ADGRD1: variants seen among roughly 807,000 people sequenced by gnomAD.
The protein encoded by ADGRD1 is G-protein coupled receptor 133.
Under a neutral mutation model 113.4 loss-of-function variants are expected in ADGRD1, and 77 were observed. The observed-to-expected ratio is 0.68, with a 90% CI of 0.57 to 0.82. The LOEUF (loss-of-function observed/expected upper bound fraction) is 0.82, where lower values mean the gene tolerates loss of function less well. Ranked by LOEUF, ADGRD1 falls within the 40% of genes least tolerant of loss-of-function variation. The pLI, the probability that ADGRD1 is intolerant of heterozygous loss-of-function variation, is 0.00. For missense variants in ADGRD1, 1,036 were observed against 1,139.1 expected (o/e 0.91, Z 1.30); for synonymous variants, 474 against 475.0 (o/e 1.00, Z 0.03).
intron 19 of ADGRD1, chr12:131,120,625 A>T: frequency 1.6e-6 from 1 of 619,086 alleles, no homozygotes; most frequent in Admixed American, 2.6e-5. Flanking sequence ...AACTCTCCAG[A>T]GGTTGCTGTC....
At chr12:131,000,021 G>A (rs1459032548) in intron 8 of ADGRD1, among the ~76,000 whole-genome samples, 6 of 152,234 alleles carry the variant, frequency 3.9e-5, no homozygotes, top group South Asian at 2.1e-4. Context: ...CAAGAAAAGC[G>A]CATCCAGCAG....
chr12:131,065,657 G>T (rs1262875051), intron 13 of ADGRD1, among the ~76,000 whole-genome samples: 1 of 152,176 alleles, frequency 6.6e-6, no homozygotes, highest in Non-Finnish European at 1.5e-5. Context: ...TGGGAGGGAG[G>T]GGGTCAGAGT....
At chr12:131,088,409 G>A (rs1593191949) in intron 15 of ADGRD1, among the ~76,000 whole-genome samples, 1 of 152,244 alleles carries the variant, frequency 6.6e-6, no homozygotes, top group East Asian at 1.9e-4. Context: ...CGGATGACTT[G>A]TGGATAATTA....
intron 13 of ADGRD1, among the ~76,000 whole-genome samples, chr12:131,047,618 G>GCTGGGA (rs1441624478): frequency 1.3e-5 from 2 of 152,220 alleles, no homozygotes; most frequent in African/African-American, 2.4e-5. Context: ...CCGGGCTGGG[G>GCTGGGA]CTGGGACTCT....
At position 131,136,059 on chromosome 12, in the gene ADGRD1, G is replaced by A. The variant is rs149434203; in HGVS notation, c.2290G>A (p.Val764Met). ...AFKLTAKAVA[V>M]LLPILGTSWV... ...CAGGTTGACAGCCAAGGCAGTGGCC[G>A]TGCTGCTGCCCATCCTGGGTACCTC... is the stretch of plus-strand genomic sequence containing the variant. Residue 764 changes from valine (V) to methionine (M), a missense_variant, in exon 22 of 25, where the codon GTG (valine) becomes ATG (methionine). Coordinates refer to ENST00000261654, the MANE Select transcript of ADGRD1 (RefSeq NM_198827.5). 35 of 1,614,080 alleles carry A rather than the reference G, an allele frequency of 2.2e-5. No individual in the cohort carries two copies. The highest frequency in any genetic ancestry group is 1.4e-4 in the South Asian group (13 of 91,084).
intron 21 of ADGRD1, among the ~76,000 whole-genome samples, chr12:131,133,470 G>A (rs2136103319): frequency 6.6e-6 from 1 of 152,348 alleles, no homozygotes; most frequent in Admixed American, 6.5e-5. Flanking sequence ...TGCAGCTCTT[G>A]TGAAGGCTCG....
chr12:131,123,120 G>A (rs1460610193), intron 20 of ADGRD1, among the ~76,000 whole-genome samples: 5 of 123,878 alleles, frequency 4.0e-5, no homozygotes, highest in South Asian at 2.6e-4. Context: ...GCAGTGGCAC[G>A]ATCTTGGCTT....
chr12:131,043,700 G>C (rs1038122308), intron 13 of ADGRD1, among the ~76,000 whole-genome samples: 1 of 152,266 alleles, frequency 6.6e-6, no homozygotes, highest in Non-Finnish European at 1.5e-5. Context: ...GCCACACGGG[G>C]ATGCACGTGG....
chr12:131,071,123 A>G (rs1158381821), intron 13 of ADGRD1, among the ~76,000 whole-genome samples: 1 of 135,420 alleles, frequency 7.4e-6, no homozygotes, highest in African/African-American at 2.7e-5. Context: ...GCTAAGTGAA[A>G]GGAGGTGGAG....
At chr12:130,978,963 C>T (rs1593286203) in intron 4 of ADGRD1, among the ~76,000 whole-genome samples, 1 of 151,928 alleles carries the variant, frequency 6.6e-6, no homozygotes, top group East Asian at 1.9e-4. Flanking sequence ...CTGTACCCCT[C>T]AGCGCCCAAG....
At chr12:131,087,989 C>G (rs940241802) in intron 15 of ADGRD1, among the ~76,000 whole-genome samples, 1 of 152,242 alleles carries the variant, frequency 6.6e-6, no homozygotes, top group Non-Finnish European at 1.5e-5. Flanking sequence ...CGCCTTCTCT[C>G]TCCTCCCACG....
At chr12:131,121,697 C>T (rs1348769558) in intron 20 of ADGRD1, among the ~76,000 whole-genome samples, 3 of 152,202 alleles carry the variant, frequency 2.0e-5, no homozygotes, top group Non-Finnish European at 4.4e-5. Context: ...AGTGTTTAAA[C>T]ACGGATGGGG....
chr12:130,992,689 C>A (rs989519608), intron 8 of ADGRD1, among the ~76,000 whole-genome samples: 3 of 152,232 alleles, frequency 2.0e-5, no homozygotes, highest in Non-Finnish European at 4.4e-5. Context: ...TTGGCAACTC[C>A]TAGACTAAAT....
chr12:130,966,546 G>T lies in ADGRD1; in HGVS notation c.187G>T (p.Asp63Tyr). The T allele has an allele frequency of 6.3e-7, 1 of 1,597,850 alleles. No individual in the cohort carries two copies. Among genetic ancestry groups the T allele is most frequent in the Non-Finnish European group, 8.6e-7 (1 of 1,165,150 alleles). Residue 63 changes from aspartate to tyrosine, a missense_variant and splice_region_variant, in exon 3 of 25, where the codon GAT becomes TAT. Coordinates refer to ENST00000261654, the MANE Select transcript of ADGRD1 (RefSeq NM_198827.5). The surrounding 1 kb of genome is among the most constrained non-coding windows in gnomAD (Gnocchi z 4.6). ...CCATGAACTTCAGGATACAACTGGA[G>T]GTAGAGACGCGGGTGCTGAGAGCGG... Reference protein sequence around the residue: ...GIHELQDTTGDIVEGKVNKGI... With the variant: ...GIHELQDTTGYIVEGKVNKGI...
intron 14 of ADGRD1, among the ~76,000 whole-genome samples, chr12:131,078,188 AT>A (rs1445214401): frequency 6.6e-6 from 1 of 152,184 alleles, no homozygotes; most frequent in Non-Finnish European, 1.5e-5. Flanking sequence ...GGGCCAGGAG[AT>A]TGCAAGACGC....
chr12:130,983,322 G>A (rs1365731153), intron 5 of ADGRD1, among the ~76,000 whole-genome samples: 1 of 152,164 alleles, frequency 6.6e-6, no homozygotes, highest in African/African-American at 2.4e-5. Flanking sequence ...GTAAAGTGGG[G>A]CAGTTCAGCA....
chr12:130,987,186 T>C lies in ADGRD1; in HGVS notation c.582T>C (p.Ser194=). The change falls in exon 6 of 25, where the codon AGT becomes AGC. Residue 194 remains serine (S), a synonymous_variant. Transcript: ENST00000261654. ...GGACCCTGAGCACCTCTGATCCGAG[T>C]GGAAAAGTGTCTCGTGACTATGGAG... is the stretch of plus-strand genomic sequence containing the variant. The part of the protein sequence containing the change: ...VNGTLSTSDP[S]GKVSRDYGES... 5 of 1,614,020 alleles carry C rather than the reference T, an allele frequency of 3.1e-6. No individual in the cohort carries two copies. The highest frequency in any genetic ancestry group is 4.2e-6 in the Non-Finnish European group (5 of 1,179,994).
At position 131,020,882 on chromosome 12, in the gene ADGRD1, C is replaced by T. The variant is rs1879239547; in HGVS notation, c.1473+6542C>T. Among the ~76,000 whole-genome samples, 4 of 152,304 alleles carry T rather than the reference C, an allele frequency of 2.6e-5. No individual in the cohort carries two copies. The South Asian group carries it at 8.3e-4, about 32-fold the overall frequency. Reference sequence around the variant, plus strand: ...GGTTTTGGCCTCCTTGGGGTGTCACCGTCACCACAGCTTGTGACTTTCGAA... The same window carrying T: ...GGTTTTGGCCTCCTTGGGGTGTCACTGTCACCACAGCTTGTGACTTTCGAA... On this transcript the variant is annotated intron_variant, in intron 13 of 24. Transcript: ENST00000261654.
rs190852418 is a variant in ADGRD1 at position 131,013,310 on chromosome 12, G to C, written c.1332-889G>C. 6.6e-5 allele frequency among the ~76,000 whole-genome samples: 10 copies of C among 152,286 alleles called. No homozygotes were observed. In the East Asian group the frequency reaches 1.7e-3, roughly 27 times the overall value. ...CTGCAGAGGGCTGGCTTCAGGAGCA[G>C]CTCGATCCAGCATCCCATTGCTGTT... On this transcript the variant is annotated intron_variant, in intron 12 of 24. Transcript: ENST00000261654.
Sources: allele counts gnomAD v4.1 joint callset (sites outside exome capture counted in the v4.1 genomes callset), GRCh38; gene constraint gnomAD v4.1.1; non-coding constraint Gnocchi (gnomAD v3.1); transcripts MANE v1.5; gene names NCBI Gene and HGNC (gene_info 2026-07-23, HGNC 2026-07-21).